Variants in ST3GAL3 observed in about 807,000 individuals in gnomAD.
The protein encoded by ST3GAL3 is CMP-N-acetylneuraminate-beta-1,4-galactoside alpha-2,3-sialyltransferase.
Under a neutral mutation model 50.1 loss-of-function variants are expected in ST3GAL3, and 21 were observed. The ratio of observed to expected loss-of-function variants is 0.42; its 90% confidence interval spans 0.30 to 0.60. ST3GAL3 has a LOEUF of 0.60. Among genes scored for constraint, ST3GAL3 ranks in the 20% least tolerant of loss-of-function variants. The pLI is 0.19. For missense variants in ST3GAL3, 353 were observed against 489.4 expected (o/e 0.72, Z 2.63); for synonymous variants, 183 against 190.0 (o/e 0.96, Z 0.30).
chr1:43,850,866 G>T, intron 5 of ST3GAL3: 2 of 1,256,146 alleles, frequency 1.6e-6, no homozygotes, highest in Non-Finnish European at 2.3e-6. Context: ...AGGGAACACA[G>T]CAGAGTTGAT....
At chr1:43,906,743 T>A (rs1274927580) in intron 9 of ST3GAL3, among the ~76,000 whole-genome samples, 2 of 152,214 alleles carry the variant, frequency 1.3e-5, no homozygotes, top group African/African-American at 4.8e-5. Flanking sequence ...TCACTATCAT[T>A]ATCATTATAG....
intron 2 of ST3GAL3, among the ~76,000 whole-genome samples, chr1:43,770,332 A>G (rs922906706): frequency 1.8e-4 from 27 of 152,116 alleles, no homozygotes; most frequent in Admixed American, 7.9e-4. Context: ...ACGGGCCTCA[A>G]GTTTTTAGCT....
chr1:43,806,351 G>T (rs929388549), intron 3 of ST3GAL3, among the ~76,000 whole-genome samples: 20 of 152,292 alleles, frequency 1.3e-4, no homozygotes, highest in African/African-American at 4.6e-4. Context: ...AGGCATAAAA[G>T]AAGGGAGTGG....
At chr1:43,807,730 G>A (rs2060071036) in intron 3 of ST3GAL3, among the ~76,000 whole-genome samples, 1 of 152,124 alleles carries the variant, frequency 6.6e-6, no homozygotes, top group Admixed American at 6.5e-5. Flanking sequence ...AAGTAGATTT[G>A]AGATCCATTT....
At chr1:43,792,446 T>C (rs2058192288) in intron 3 of ST3GAL3, among the ~76,000 whole-genome samples, 1 of 152,182 alleles carries the variant, frequency 6.6e-6, no homozygotes, top group Non-Finnish European at 1.5e-5. Flanking sequence ...ATATATCCTG[T>C]CTCAGAAGGT....
chr1:43,833,565 C>G (rs2063830161), intron 4 of ST3GAL3, among the ~76,000 whole-genome samples: 1 of 152,108 alleles, frequency 6.6e-6, no homozygotes, highest in South Asian at 2.1e-4. Flanking sequence ...TATAATCCCA[C>G]TTTTAAAGAT....
At chr1:43,841,789 T>C (rs1257959970) in intron 5 of ST3GAL3, 1 of 152,256 alleles carries the variant, frequency 6.6e-6, no homozygotes, top group African/African-American at 2.4e-5. Flanking sequence ...TGAATTCCTC[T>C]TCTGAAAAAG....
chr1:43,894,270 G>A, intron 5 of ST3GAL3, 113 bp from the exon 6 acceptor site: 9 of 1,040,988 alleles, frequency 8.6e-6, no homozygotes, highest in Non-Finnish European at 1.4e-5. Flanking sequence ...GGGTATGCCG[G>A]AATGCAGAGG....
At position 43,899,533 on chromosome 1, in the gene ST3GAL3, C is replaced by T. The variant is rs776777360; in HGVS notation, c.558-8C>T. 16 of 1,611,864 alleles carry T rather than the reference C, an allele frequency of 9.9e-6. No homozygotes were observed. Among genetic ancestry groups the T allele is most frequent in the African/African-American group, 1.3e-5 (1 of 74,922 alleles). Reference sequence around the variant, plus strand: ...GGCCCAGGCTCTGAGTGGGCCTGCTCTCTGTAGACTGAATTCAGCACCAGT... The same window carrying T: ...GGCCCAGGCTCTGAGTGGGCCTGCTTTCTGTAGACTGAATTCAGCACCAGT... On this transcript the variant is annotated splice_region_variant and splice_polypyrimidine_tract_variant and intron_variant, in intron 8 of 11. Transcript: ENST00000347631. This position sits in a 1 kb window ranked among gnomAD's most constrained non-coding sequence, Gnocchi z 5.4.
rs1264670065 is a variant in ST3GAL3 at position 43,792,154 on chromosome 1, C to G, written c.166+5C>G. 1 of 1,614,194 alleles carries G rather than the reference C, an allele frequency of 6.2e-7. No individual in the cohort carries two copies. Among genetic ancestry groups the G allele is most frequent in the East Asian group, 2.2e-5 (1 of 44,882 alleles). ...CTGGACAAACACTAGGCTCAGGTAC[C>G]AACTCTTCCCCCTCTATCATCTTTT... On this transcript the variant is annotated splice_donor_5th_base_variant and intron_variant, in intron 3 of 11. Transcript: ENST00000347631.
At chr1:43,757,962 A>G (rs1460373526) in intron 2 of ST3GAL3, among the ~76,000 whole-genome samples, 1 of 151,892 alleles carries the variant, frequency 6.6e-6, no homozygotes, top group Admixed American at 6.6e-5. Context: ...AAGGTCTTGT[A>G]CCTTACTATT....
chr1:43,733,309 A>G (rs1676756836), intron 1 of ST3GAL3, among the ~76,000 whole-genome samples: 1 of 152,282 alleles, frequency 6.6e-6, no homozygotes, highest in African/African-American at 2.4e-5. Flanking sequence ...TTTAATTCAG[A>G]AGTGTACAAA....
chr1:43,867,161 C>T (rs115353118), intron 5 of ST3GAL3, among the ~76,000 whole-genome samples: 1 of 152,158 alleles, frequency 6.6e-6, no homozygotes, highest in Non-Finnish European at 1.5e-5. Context: ...TCTCGTGAGA[C>T]TCATTCACTA....
intron 3 of ST3GAL3, chr1:43,801,742 C>A: frequency 6.0e-6 from 1 of 167,570 alleles, no homozygotes; most frequent in Admixed American, 5.8e-5. Flanking sequence ...TCAGTTGAGC[C>A]CAGGAGTTTG....
At chr1:43,726,814 G>T (rs902257836) in intron 1 of ST3GAL3, among the ~76,000 whole-genome samples, 2 of 152,032 alleles carry the variant, frequency 1.3e-5, no homozygotes, top group Non-Finnish European at 2.9e-5. Flanking sequence ...GGCTGGTCTC[G>T]AACTCCTGAC....
chr1:43,868,842 C>A (rs1425173164), intron 5 of ST3GAL3, among the ~76,000 whole-genome samples: 1 of 152,060 alleles, frequency 6.6e-6, no homozygotes, highest in Admixed American at 6.5e-5. Context: ...GGAAGAGACA[C>A]CCGAGATGGA....
At chr1:43,811,339 A>G (rs1317388225) in intron 3 of ST3GAL3, among the ~76,000 whole-genome samples, 1 of 152,166 alleles carries the variant, frequency 6.6e-6, no homozygotes, top group East Asian at 1.9e-4. Context: ...GTAGAGACCT[A>G]GAGTGTTTGC....
chr1:43,870,708 A>C (rs2072485530), intron 5 of ST3GAL3, among the ~76,000 whole-genome samples: 1 of 152,104 alleles, frequency 6.6e-6, no homozygotes, highest in Admixed American at 6.6e-5. Flanking sequence ...GTGCATGTGA[A>C]CTGTTCCCGG....
rs541958948 is a variant in ST3GAL3 at position 43,858,551 on chromosome 1, A to G, written c.302+20240A>G. Among the ~76,000 whole-genome samples, 8 of 152,322 alleles carry G rather than the reference A, an allele frequency of 5.3e-5. No individual in the cohort carries two copies. In the South Asian group the frequency reaches 1.7e-3, roughly 32 times the overall value. On this transcript the variant is annotated intron_variant, in intron 5 of 11. Coordinates refer to ENST00000347631, the MANE Select transcript of ST3GAL3 (RefSeq NM_006279.5). ...CGTGGGGAGTTCTTGCTGCTTGTGA[A>G]GAGCAAAAGCTGGTGAAAGCACAGA...
Sources: allele counts gnomAD v4.1 joint callset (sites outside exome capture counted in the v4.1 genomes callset), GRCh38; gene constraint gnomAD v4.1.1; non-coding constraint Gnocchi (gnomAD v3.1); transcripts MANE v1.5; gene names NCBI Gene and HGNC (gene_info 2026-07-23, HGNC 2026-07-21).